Variants in ADAMTS13 observed in about 807,000 individuals in gnomAD.
The protein encoded by ADAMTS13 is A disintegrin and metalloproteinase with thrombospondin motifs 13.
A neutral mutation model predicts 155.1 loss-of-function variants in ADAMTS13; 110 were observed. The observed-to-expected ratio is 0.71, with a 90% CI of 0.61 to 0.83. The LOEUF is 0.83. ADAMTS13 is among the 40% of genes least tolerant of loss of function. The pLI is 0.00. For synonymous variants in ADAMTS13, 758 were observed against 756.4 expected, an observed-to-expected ratio of 1.00 and a Z score of -0.03; for missense variants, 1,707 against 1,891.7, an observed-to-expected ratio of 0.90 and a Z score of 1.81.
At chr9:133,427,045 C>T (rs1468653528) in intron 6 of ADAMTS13, among the ~76,000 whole-genome samples, 1 of 152,220 alleles carries the variant, frequency 6.6e-6, no homozygotes, top group Non-Finnish European at 1.5e-5. Flanking sequence ...TCAGGTGATC[C>T]ACCTGCCTCG....
intron 1 of ADAMTS13, 62 bp from the exon 2 acceptor site, chr9:133,423,039 G>C (rs1840061135): frequency 3.4e-6 from 5 of 1,472,782 alleles, no homozygotes; most frequent in Non-Finnish European, 4.7e-6. Flanking sequence ...GTCTCCCCAA[G>C]TGTTAGGATT....
At chr9:133,451,841 G>C (rs1554794417) in intron 23 of ADAMTS13, among the ~76,000 whole-genome samples, 1 of 131,060 alleles carries the variant, frequency 7.6e-6, no homozygotes. Context: ...GCAGTGAGCA[G>C]AGATCACACC....
intron 6 of ADAMTS13, among the ~76,000 whole-genome samples, chr9:133,426,662 G>A (rs1840301204): frequency 6.6e-6 from 1 of 151,970 alleles, no homozygotes; most frequent in Non-Finnish European, 1.5e-5. Context: ...TTCACATTTT[G>A]TATTTAATTT....
chr9:133,448,579 T>A lies in ADAMTS13; in HGVS notation c.2732-20T>A. 6.2e-7 allele frequency: 1 copy of A among 1,608,054 alleles called. No homozygotes were observed. Among genetic ancestry groups the A allele is most frequent in the Non-Finnish European group, 8.5e-7 (1 of 1,179,680 alleles). ...TGAGCCTGTCCCTTGGGGCTCTGGG[T>A]CTCTGCTTTGTCCACGCAGGTCTGA... On this transcript the variant is annotated intron_variant, in intron 21 of 28. Coordinates refer to ENST00000355699, the MANE Select transcript of ADAMTS13 (RefSeq NM_139027.6).
chr9:133,435,777 C>G (rs1841156088), intron 11 of ADAMTS13, among the ~76,000 whole-genome samples: 1 of 152,010 alleles, frequency 6.6e-6, no homozygotes, highest in African/African-American at 2.4e-5. Context: ...CGTGATCTGC[C>G]TGCCTCGGCC....
At chr9:133,442,871 A>G (rs1841782069) in intron 18 of ADAMTS13, 128 bp downstream of exon 18, 1 of 1,398,720 alleles carries the variant, frequency 7.1e-7, no homozygotes, top group African/African-American at 1.4e-5. Flanking sequence ...GCAGGCTCTC[A>G]TTACCCCTGC....
chr9:133,436,108 C>T (rs587639311), intron 11 of ADAMTS13, among the ~76,000 whole-genome samples: 4 of 150,056 alleles, frequency 2.7e-5, no homozygotes, highest in South Asian at 2.1e-4. Context: ...TGAGCCATGG[C>T]GCCCGGCCTG....
chr9:133,428,537 G>C, intron 6 of ADAMTS13, 97 bp from the exon 7 acceptor site: 1 of 689,496 alleles, frequency 1.5e-6, no homozygotes, highest in East Asian at 4.9e-5. Flanking sequence ...TGCGGCACTA[G>C]GGCGCCGGGC....
upstream of ADAMTS13, chr9:133,417,518 T>C (rs939185343): frequency 3.3e-6 from 4 of 1,223,092 alleles, no homozygotes; most frequent in Admixed American, 6.2e-5. Context: ...TCGATTCAAA[T>C]CTGCCTTTAC....
chr9:133,417,831 T>C (rs900800336), upstream of ADAMTS13: 1 of 1,601,084 alleles, frequency 6.2e-7, no homozygotes, highest in African/African-American at 1.3e-5. Context: ...GGCGGGGACC[T>C]TCGCCTTCCC....
exon 1 of ADAMTS13, chr9:133,414,640 CAGT>C: frequency 6.2e-7 from 1 of 1,608,698 alleles, no homozygotes; most frequent in Non-Finnish European, 8.5e-7. Context: ...CCTCGGTTCT[CAGT>C]GGTGAGGTGG....
chr9:133,432,571 C>T lies in ADAMTS13; in HGVS notation c.988-17C>T. The stretch of plus-strand genomic sequence containing the variant: ...TGGTGGCCCCTGAGCTCGCCACCCA[C>T]CTGTCCACCCTCCTAGGATATGTGC... On this transcript the variant is annotated splice_polypyrimidine_tract_variant and intron_variant, in intron 8 of 28. Coordinates refer to ENST00000355699, the MANE Select transcript of ADAMTS13 (RefSeq NM_139027.6). 1 of 1,549,024 alleles carries T rather than the reference C, an allele frequency of 6.5e-7. No homozygotes were observed. The highest frequency in any genetic ancestry group is 1.9e-4 in the Middle Eastern group (1 of 5,362).
intron 6 of ADAMTS13, among the ~76,000 whole-genome samples, chr9:133,427,251 G>A (rs782191906): frequency 1.3e-5 from 2 of 152,156 alleles, no homozygotes; most frequent in African/African-American, 2.4e-5. Flanking sequence ...GTCTGAACAC[G>A]TCTTCCTGTT....
Position 133,455,294 on chromosome 9 carries a change from T to C in ADAMTS13, c.3259T>C (p.Ser1087Pro), listed in dbSNP as rs782195157. Residue 1087 changes from serine to proline, a missense_variant, in exon 25 of 29, where the codon TCC (serine) becomes CCC (proline). By Grantham distance (74) the Ser-to-Pro change is moderately conservative. Around this residue, in one of 3 missense-constraint regions of ADAMTS13, gnomAD observed 961 missense variants for 1,107.9 expected, o/e 0.87. Transcript: ENST00000355699. ...HVGTWMECSV[S>P]CGDGIQRRRD... ...TCCCCTCTCTTGGCAGTGCTCTGTT[T>C]CCTGTGGGGATGGCATCCAGCGCCG... 2.5e-6 allele frequency: 4 copies of C among 1,602,450 alleles called. No individual in the cohort carries two copies.
chr9:133,451,461 T>G (rs587601394), intron 23 of ADAMTS13, among the ~76,000 whole-genome samples: 1 of 152,142 alleles, frequency 6.6e-6, no homozygotes, highest in Non-Finnish European at 1.5e-5. Context: ...TTTCACCATA[T>G]TGGTCAGGCC....
intron 7 of ADAMTS13, 98 bp from the exon 8 acceptor site, chr9:133,429,841 C>T (rs782820888): frequency 6.8e-7 from 1 of 1,470,964 alleles, no homozygotes; most frequent in East Asian, 2.5e-5. Context: ...AAAGGCCACG[C>T]TTCCAAACGC....
At chr9:133,436,026 CA>C (rs149589461) in intron 11 of ADAMTS13, among the ~76,000 whole-genome samples, 72 of 146,944 alleles carry the variant, frequency 4.9e-4, no homozygotes, top group African/African-American at 1.8e-3. Flanking sequence ...TCATGTTGGC[CA>C]GGCTGGTCTT....
At chr9:133,423,569 T>G (rs1840089318) in intron 2 of ADAMTS13, among the ~76,000 whole-genome samples, 1 of 152,208 alleles carries the variant, frequency 6.6e-6, no homozygotes, top group Non-Finnish European at 1.5e-5. Context: ...GATTTCCTTA[T>G]GATAAAGGCC....
At chr9:133,418,081 C>T, upstream of ADAMTS13, 1 of 543,200 alleles carries the variant, frequency 1.8e-6, no homozygotes, top group Non-Finnish European at 3.2e-6. Flanking sequence ...CGGATCCCTG[C>T]CTCTGGTTCC....
Sources: gnomAD v4.1 joint callset for allele counts (sites outside exome capture counted in the v4.1 genomes callset) on GRCh38, gnomAD v4.1.1 for gene constraint, gnomAD v4.1.1 regional missense constraint, MANE v1.5 for transcripts, NCBI Gene and HGNC (gene_info 2026-07-23, HGNC 2026-07-21) for gene names.